The following DENND3 variants were observed in gnomAD, a reference collection of about 807,000 sequenced individuals.
DENND3 encodes the protein DENN domain containing 3.
A neutral mutation model predicts 135.1 loss-of-function variants in DENND3; 88 were observed. The ratio of observed to expected loss-of-function variants is 0.65; its 90% CI spans 0.55 to 0.78. The LOEUF is 0.78. Ranked by LOEUF, DENND3 falls within the 30% of genes least tolerant of loss-of-function variation. The pLI, the probability that DENND3 is intolerant of heterozygous loss-of-function variation, is 0.00. For synonymous variants in DENND3, 693 were observed against 712.3 expected (o/e 0.97, Z 0.43); for missense variants, 1,392 against 1,688.4 (o/e 0.82, Z 3.08).
At position 141,144,198 on chromosome 8, in the gene DENND3, T is replaced by TA. The variant is rs1456727889; in HGVS notation, c.678dup (p.Asp227ArgfsTer22). On this transcript the variant is annotated frameshift_variant, in exon 5 of 23. Coordinates refer to ENST00000519811, the MANE Select transcript of DENND3 (RefSeq NM_001352890.3). LOFTEE classifies it high-confidence loss of function. The surrounding 1 kb of genome is among the most constrained non-coding windows in gnomAD (Gnocchi z 4.4). ...AAAGATTTTGAAGTGGACAGTCATA[T>TA]AAAAGATTTCGCTGCGAAGCTGTCT... The TA allele has an allele frequency of 6.2e-7, 1 of 1,614,054 alleles. No individual in the cohort carries two copies. The highest frequency in any genetic ancestry group is 8.5e-7 in the Non-Finnish European group (1 of 1,179,990).
chr8:141,169,538 A>G (rs978535704), intron 13 of DENND3, among the ~76,000 whole-genome samples: 3 of 152,214 alleles, frequency 2.0e-5, no homozygotes, highest in African/African-American at 4.8e-5. Context: ...CGCCCAGACT[A>G]ACACCTGCTG....
At chr8:141,145,060 C>T (rs1817878500) in intron 5 of DENND3, among the ~76,000 whole-genome samples, 1 of 152,214 alleles carries the variant, frequency 6.6e-6, no homozygotes, top group Non-Finnish European at 1.5e-5. Flanking sequence ...CCTTCCTAGG[C>T]CTTTGCCAGA....
At chr8:141,173,260 A>G (rs1821880242) in intron 13 of DENND3, among the ~76,000 whole-genome samples, 1 of 152,228 alleles carries the variant, frequency 6.6e-6, no homozygotes, top group Non-Finnish European at 1.5e-5. Context: ...TCTTTGGAAC[A>G]ATTGCACTAG....
At position 141,141,638 on chromosome 8, in the gene DENND3, T is replaced by C; in HGVS notation, c.623+314T>C. The C allele has an allele frequency of 9.6e-6, 3 of 311,320 alleles. No individual in the cohort carries two copies. The highest frequency in any genetic ancestry group is 2.1e-5 in the African/African-American group (1 of 46,548). 19.3% of individuals were successfully genotyped at this position (311,320 alleles called of 1,614,324 possible). On this transcript the variant is annotated intron_variant, in intron 4 of 22. Coordinates refer to ENST00000519811, the MANE Select transcript of DENND3 (RefSeq NM_001352890.3). This position sits in a 1 kb window ranked among gnomAD's most constrained non-coding sequence, Gnocchi z 5.3. Reference sequence around the variant, plus strand: ...TCGGAAGTAAGGTTGATGTTCAGGATTTTCATTTTGTTTAGTTTTTCACAA... The same window carrying C: ...TCGGAAGTAAGGTTGATGTTCAGGACTTTCATTTTGTTTAGTTTTTCACAA...
At chr8:141,164,142 G>A (rs1237663904) in intron 10 of DENND3, among the ~76,000 whole-genome samples, 1 of 152,140 alleles carries the variant, frequency 6.6e-6, no homozygotes, top group African/African-American at 2.4e-5. Context: ...CAGTCCTGCG[G>A]TCTGCGCTCT....
At chr8:141,187,259 ATTTT>A (rs34600380) in intron 18 of DENND3, among the ~76,000 whole-genome samples, 1 of 144,382 alleles carries the variant, frequency 6.9e-6, no homozygotes, top group Non-Finnish European at 1.5e-5. Flanking sequence ...GGCTGGTACC[ATTTT>A]TTTTTTTTTG....
intron 14 of DENND3, chr8:141,176,060 A>C (rs1315918746): frequency 5.6e-6 from 1 of 177,180 alleles, no homozygotes; most frequent in Non-Finnish European, 1.2e-5. Flanking sequence ...CAGATACACA[A>C]ATGTTTTATG....
chr8:141,177,893 A>T, intron 15 of DENND3, 174 bp from the exon 16 acceptor site: 1 of 781,746 alleles, frequency 1.3e-6, no homozygotes, highest in Non-Finnish European at 1.9e-6. Context: ...TATTTGTCTT[A>T]AGTAAGAGAA....
chr8:141,175,132 G>C lies in DENND3; in HGVS notation c.2276-68G>C. The C allele has an allele frequency of 1.3e-6, 2 of 1,532,268 alleles. No homozygotes were observed. The highest frequency in any genetic ancestry group is 1.8e-6 in the Non-Finnish European group (2 of 1,141,972). 94.9% of individuals were successfully genotyped at this position (1,532,268 alleles called of 1,614,324 possible). On this transcript the variant is annotated intron_variant, in intron 13 of 22. Transcript: ENST00000519811. This position sits in a 1 kb window ranked among gnomAD's most constrained non-coding sequence, Gnocchi z 5.4. ...TAGTGTGCGGTTTCTTCAGGTCATG[G>C]AGAAGCCCTTGGGGCTCCCGAGGTA...
chr8:141,136,758 G>A lies in DENND3; in HGVS notation c.352G>A (p.Asp118Asn), dbSNP rs773617010. 1.8e-5 allele frequency: 28 copies of A among 1,592,570 alleles called. No homozygotes were observed. The highest frequency in any genetic ancestry group is 1.0e-4 in the South Asian group (9 of 87,948). Residue 118 changes from aspartate to asparagine, a missense_variant, in exon 2 of 23, where the codon GAC (aspartate) becomes AAC (asparagine). Asp to Asn is a conservative substitution (Grantham distance 23). Coordinates refer to ENST00000519811, the MANE Select transcript of DENND3 (RefSeq NM_001352890.3). ...GGATGTCGCCGTCCCGGGCGGCGTG[G>A]ACCTCCTCACCCTGCCGCAGCTGTG... ...PEDVAVPGGV[D>N]LLTLPQLCFP...
Position 141,141,213 on chromosome 8 carries a change from G to A in DENND3, c.512G>A (p.Cys171Tyr), listed in dbSNP as rs1436579864. 1 of 1,614,216 alleles carries A rather than the reference G, an allele frequency of 6.2e-7. No individual in the cohort carries two copies. The change falls in exon 4 of 23, where the codon TGT becomes TAT. Residue 171 changes from cysteine to tyrosine, a missense_variant. Transcript: ENST00000519811. This position sits in a 1 kb window ranked among gnomAD's most constrained non-coding sequence, Gnocchi z 5.3. The part of the protein sequence containing the change: ...QYYRPLHDEY[C>Y]FYNGKTHREC... ...TTGCTTTTCATGTAGGATGAGTACT[G>A]TTTCTACAATGGCAAAACGCACCGG...
rs307767 is a variant in DENND3 at position 141,141,558 on chromosome 8, C to T, written c.623+234C>T. The T allele has an allele frequency of 0.022, 11,920 of 550,972 alleles. 1,084 individuals carry two copies. The highest frequency in any genetic ancestry group is 0.2 in the African/African-American group (10,371 of 52,822). The allele number at this position is 550,972 out of a possible 1,614,324, so 34.1% of individuals were successfully genotyped here. A position where few individuals can be genotyped will look rare whatever the true frequency, so the allele number is the denominator to read the frequency against. On this transcript the variant is annotated intron_variant, in intron 4 of 22. Transcript: ENST00000519811. This position sits in a 1 kb window ranked among gnomAD's most constrained non-coding sequence, Gnocchi z 5.3. Reference sequence around the variant, plus strand: ...GGGGTGTGGCAGCGGGCGCTCCTCTCTGTGACTGGTAACATACGGTAATGG... The same window carrying T: ...GGGGTGTGGCAGCGGGCGCTCCTCTTTGTGACTGGTAACATACGGTAATGG...
At chr8:141,172,054 ATAG>A (rs572245129) in intron 13 of DENND3, among the ~76,000 whole-genome samples, 38 of 136,826 alleles carry the variant, frequency 2.8e-4, no homozygotes, top group Middle Eastern at 5.3e-3. Flanking sequence ...TTGGGTGAGC[ATAG>A]TGGTGGGCAC....
intron 6 of DENND3, 112 bp from the exon 7 acceptor site, chr8:141,151,507 G>C (rs1372743637): frequency 1.0e-6 from 1 of 999,780 alleles, no homozygotes; most frequent in Non-Finnish European, 1.5e-6. Flanking sequence ...GCTGCAGTGA[G>C]CTATGATCAC....
In DENND3 at chr8:141,138,051, G is replaced by A; in HGVS notation, c.415G>A (p.Glu139Lys). 1 of 1,608,064 alleles carries A rather than the reference G, an allele frequency of 6.2e-7. No homozygotes were observed. The highest frequency in any genetic ancestry group is 8.5e-7 in the Non-Finnish European group (1 of 1,177,004). ...TGTGTGCGTGGCCACTGAACCTAAG[G>A]AGGATTGCGTCCACTTCCTGGTGCT... ...GGVCVATEPK[E>K]DCVHFLVLTD... The change falls in exon 3 of 23, where the codon GAG (glutamate) becomes AAG (lysine). Residue 139 changes from glutamate to lysine, a missense_variant. Coordinates refer to ENST00000519811, the MANE Select transcript of DENND3 (RefSeq NM_001352890.3). The surrounding 1 kb of genome is among the most constrained non-coding windows in gnomAD (Gnocchi z 4.8).
At chr8:141,169,880 G>A (rs1035451981) in intron 13 of DENND3, among the ~76,000 whole-genome samples, 3 of 152,188 alleles carry the variant, frequency 2.0e-5, no homozygotes, top group Non-Finnish European at 2.9e-5. Flanking sequence ...GTAGTGTGTG[G>A]GCACCATTTG....
chr8:141,185,100 T>C (rs775068050), intron 17 of DENND3, 39 bp from the exon 18 acceptor site: 3 of 1,589,664 alleles, frequency 1.9e-6, no homozygotes, highest in Non-Finnish European at 2.6e-6. Context: ...ACAGCAGAAG[T>C]GTTTCCTCCT....
At chr8:141,176,266 TAAA>T (rs200320997) in intron 14 of DENND3, 1 of 125,850 alleles carries the variant, frequency 7.9e-6, no homozygotes, top group African/African-American at 5.6e-5. Context: ...GAGATGGAAG[TAAA>T]AAAAAACAAA....
rs1327531839 is a variant in DENND3 at position 141,174,813 on chromosome 8, C to G, written c.2276-387C>G. ...CTAGGACTAGCTCCCCTTGTGACCC[C>G]AAGACAGTGGCCAGCAGTTCTAGTG... On this transcript the variant is annotated intron_variant, in intron 13 of 22. Coordinates refer to ENST00000519811, the MANE Select transcript of DENND3 (RefSeq NM_001352890.3). This position sits in a 1 kb window ranked among gnomAD's most constrained non-coding sequence, Gnocchi z 4.6. 6.6e-6 allele frequency among the ~76,000 whole-genome samples: 1 copy of G among 152,220 alleles called. No homozygotes were observed. Among genetic ancestry groups the G allele is most frequent in the Non-Finnish European group, 1.5e-5 (1 of 68,034 alleles).
Sources: gnomAD v4.1 joint callset for allele counts (sites outside exome capture counted in the v4.1 genomes callset) on GRCh38, gnomAD v4.1.1 for gene constraint, Gnocchi (gnomAD v3.1) non-coding constraint, MANE v1.5 for transcripts, NCBI Gene and HGNC (gene_info 2026-07-23, HGNC 2026-07-21) for gene names.